The following TBC1D22A variants were observed in gnomAD, a reference collection of about 807,000 sequenced individuals.
TBC1D22A encodes the protein putative GTPase activator.
Under a neutral mutation model 60.2 loss-of-function variants are expected in TBC1D22A, and 38 were observed. The ratio of observed to expected loss-of-function variants is 0.63; its 90% CI spans 0.49 to 0.83. TBC1D22A has a LOEUF of 0.83. Ranked by LOEUF, TBC1D22A falls within the 40% of genes least tolerant of loss-of-function variation. The pLI, the probability that TBC1D22A is intolerant of heterozygous loss-of-function variation, is 0.00. For synonymous variants in TBC1D22A, 302 were observed against 281.7 expected (o/e 1.07, Z -0.72); for missense variants, 628 against 701.0 (o/e 0.90, Z 1.18).
At chr22:46,816,152 G>A (rs916226390) in intron 4 of TBC1D22A, among the ~76,000 whole-genome samples, 10 of 152,276 alleles carry the variant, frequency 6.6e-5, no homozygotes, top group Admixed American at 6.5e-4. Context: ...TGCTGCGGCC[G>A]GCCGCCTGCC....
Position 46,787,092 on chromosome 22 carries a change from A to G in TBC1D22A, c.63-5428A>G, listed in dbSNP as rs151149895. On this transcript the variant is annotated intron_variant, in intron 1 of 12. Coordinates refer to ENST00000337137, the MANE Select transcript of TBC1D22A (RefSeq NM_014346.5). ...TCTGGGAATTTGCGCATTGTATCTA[A>G]TTAATTTTATTTGTTGGTGTACAGT... Among the ~76,000 whole-genome samples the G allele has an allele frequency of 3.1e-3, 469 of 152,202 alleles. 1 individual carries two copies. Among genetic ancestry groups the G allele is most frequent in the Non-Finnish European group, 4.1e-3 (277 of 68,014 alleles).
Position 46,920,022 on chromosome 22 carries a change from G to A in TBC1D22A, c.1015+7834G>A, listed in dbSNP as rs192560075. Among the ~76,000 whole-genome samples, 199 of 151,518 alleles carry A rather than the reference G, an allele frequency of 1.3e-3. 4 individuals are homozygous for A. The highest frequency in any genetic ancestry group is 4.7e-3 in the African/African-American group (192 of 41,238). Reference sequence around the variant, plus strand: ...TGCACATGCTGATGTTTTCTTCTAGGCTTAAAGCTGAGTGTTAGGTATATA... The same window carrying A: ...TGCACATGCTGATGTTTTCTTCTAGACTTAAAGCTGAGTGTTAGGTATATA... On this transcript the variant is annotated intron_variant, in intron 8 of 12. Transcript: ENST00000337137.
intron 10 of TBC1D22A, among the ~76,000 whole-genome samples, chr22:47,000,478 C>T (rs1479466428): frequency 6.6e-6 from 1 of 152,228 alleles, no homozygotes; most frequent in East Asian, 1.9e-4. Context: ...AAAAGTCTGC[C>T]GTGGAGACAC....
intron 5 of TBC1D22A, among the ~76,000 whole-genome samples, chr22:46,883,290 A>G (rs1366950009): frequency 1.3e-5 from 2 of 152,246 alleles, no homozygotes; most frequent in African/African-American, 2.4e-5. Context: ...CAATTTAGAT[A>G]TAAGTATATG....
chr22:47,037,969 A>C (rs2062709688), intron 11 of TBC1D22A, among the ~76,000 whole-genome samples: 1 of 152,214 alleles, frequency 6.6e-6, no homozygotes, highest in African/African-American at 2.4e-5. Context: ...ACTCTTCACC[A>C]ATTCTGATGA....
chr22:46,890,958 T>C (rs1027983029), intron 5 of TBC1D22A, among the ~76,000 whole-genome samples: 14 of 152,198 alleles, frequency 9.2e-5, no homozygotes, highest in Admixed American at 2.0e-4. Flanking sequence ...TAGAAGAGCC[T>C]TGGGCCCACC....
At chr22:46,916,233 A>T (rs1223764120) in intron 8 of TBC1D22A, among the ~76,000 whole-genome samples, 1 of 152,158 alleles carries the variant, frequency 6.6e-6, no homozygotes, top group African/African-American at 2.4e-5. Context: ...AGCACAGAGG[A>T]GAATGTTCAT....
At chr22:46,764,320 A>C (rs1569346576) in intron 1 of TBC1D22A, 1 of 152,274 alleles carries the variant, frequency 6.6e-6, no homozygotes, top group Non-Finnish European at 1.5e-5. Flanking sequence ...GGTGGGTAGG[A>C]GGTCCTGGTA....
At chr22:46,906,449 T>G (rs1191461309) in intron 7 of TBC1D22A, among the ~76,000 whole-genome samples, 1 of 152,152 alleles carries the variant, frequency 6.6e-6, no homozygotes, top group Non-Finnish European at 1.5e-5. Flanking sequence ...GTGGGAATGG[T>G]GGGCCTGAAC....
chr22:46,950,467 G>T (rs77741354), intron 8 of TBC1D22A, among the ~76,000 whole-genome samples: 3 of 152,074 alleles, frequency 2.0e-5, no homozygotes, highest in African/African-American at 7.2e-5. Flanking sequence ...TTCTGCCCCC[G>T]TTTTGAGGTC....
chr22:46,970,918 G>A (rs145940581), intron 8 of TBC1D22A, among the ~76,000 whole-genome samples: 126 of 152,280 alleles, frequency 8.3e-4, no homozygotes, highest in African/African-American at 2.8e-3. Context: ...ACACCAGCCC[G>A]TGGGTATTTT....
chr22:46,977,422 GTCCCCA>G (rs1602762732), intron 9 of TBC1D22A, among the ~76,000 whole-genome samples: 2 of 152,256 alleles, frequency 1.3e-5, no homozygotes, highest in East Asian at 3.9e-4. Context: ...TCACCCCTCT[GTCCCCA>G]AGAAGCTCAG....
intron 4 of TBC1D22A, among the ~76,000 whole-genome samples, chr22:46,820,358 A>G (rs2085774726): frequency 1.3e-5 from 2 of 152,010 alleles, no homozygotes; most frequent in Non-Finnish European, 1.5e-5. Context: ...CTGGCTTTCT[A>G]ATGTGGGCAT....
intron 12 of TBC1D22A, among the ~76,000 whole-genome samples, chr22:47,129,949 G>A (rs2066624361): frequency 6.6e-6 from 1 of 152,222 alleles, no homozygotes; most frequent in African/African-American, 2.4e-5. Flanking sequence ...CAGCGGAAGA[G>A]GGAAGCTGAG....
intron 11 of TBC1D22A, among the ~76,000 whole-genome samples, chr22:47,107,919 C>A (rs919000573): frequency 6.6e-6 from 1 of 152,146 alleles, no homozygotes; most frequent in Non-Finnish European, 1.5e-5. Flanking sequence ...ACTTTATAAA[C>A]CTTCTAGAAG....
intron 11 of TBC1D22A, among the ~76,000 whole-genome samples, chr22:47,096,725 G>A (rs1465485080): frequency 6.6e-6 from 1 of 152,192 alleles, no homozygotes; most frequent in African/African-American, 2.4e-5. Flanking sequence ...GGGAGGCTGA[G>A]GCAGGAGAAT....
chr22:47,130,117 A>G (rs2066629979), intron 12 of TBC1D22A, among the ~76,000 whole-genome samples: 2 of 152,158 alleles, frequency 1.3e-5, no homozygotes, highest in African/African-American at 4.8e-5. Context: ...TGTGCCTGTC[A>G]TCCCTTTCTG....
intron 8 of TBC1D22A, among the ~76,000 whole-genome samples, chr22:46,941,793 T>C (rs1485625999): frequency 7.0e-6 from 1 of 143,422 alleles, no homozygotes. Flanking sequence ...ATATATAGAA[T>C]ATATAGAATA....
intron 11 of TBC1D22A, among the ~76,000 whole-genome samples, chr22:47,110,764 C>G (rs921375477): frequency 2.0e-5 from 3 of 152,160 alleles, no homozygotes; most frequent in Non-Finnish European, 4.4e-5. Context: ...TTTGGGGAAC[C>G]CTCAGTCTTT....
Sources: gnomAD v4.1 joint callset for allele counts (sites outside exome capture counted in the v4.1 genomes callset) on GRCh38, gnomAD v4.1.1 for gene constraint, MANE v1.5 for transcripts, NCBI Gene and HGNC (gene_info 2026-07-23, HGNC 2026-07-21) for gene names.